NBEA: variants seen among roughly 807,000 people sequenced by gnomAD.
The protein encoded by NBEA is lysosomal-trafficking regulator 2.
A neutral mutation model predicts 343.4 loss-of-function variants in NBEA; 44 were observed. That is an observed-to-expected ratio of 0.13 (90% confidence interval 0.10 to 0.16). The LOEUF (loss-of-function observed/expected upper bound fraction) is 0.16, where lower values mean the gene tolerates loss of function less well. Among genes scored for constraint, NBEA ranks in the 10% least tolerant of loss-of-function variants. NBEA has a pLI of 1.00. For missense variants in NBEA, 2,555 were observed against 3,631.3 expected (o/e 0.70, Z 7.62); for synonymous variants, 1,175 against 1,238.7 (o/e 0.95, Z 1.08).
chr13:35,036,451 T>C (rs2062444849), intron 1 of NBEA, among the ~76,000 whole-genome samples: 3 of 152,106 alleles, frequency 2.0e-5, no homozygotes, highest in South Asian at 4.1e-4. Context: ...GTAACAGTGT[T>C]ATAATATTCT....
At chr13:35,353,027 T>C (rs1259597154) in intron 38 of NBEA, among the ~76,000 whole-genome samples, 1 of 152,188 alleles carries the variant, frequency 6.6e-6, no homozygotes, top group Non-Finnish European at 1.5e-5. Flanking sequence ...ATTATGTTTT[T>C]TGACCCCACT....
chr13:35,347,920 T>G (rs900022267), intron 36 of NBEA, among the ~76,000 whole-genome samples: 1 of 151,986 alleles, frequency 6.6e-6, no homozygotes, highest in Non-Finnish European at 1.5e-5. Context: ...CCATGTGATG[T>G]GGGCTTCTCT....
intron 16 of NBEA, 62 bp from the exon 17 acceptor site, chr13:35,123,420 T>G: frequency 1.2e-6 from 1 of 812,562 alleles, no homozygotes; most frequent in Non-Finnish European, 1.9e-6. Flanking sequence ...CTGTAAAGCA[T>G]GTAGTGTGTT....
intron 18 of NBEA, among the ~76,000 whole-genome samples, chr13:35,149,771 C>T (rs74048918): frequency 2.8e-4 from 42 of 152,196 alleles, no homozygotes; most frequent in African/African-American, 9.9e-4. Context: ...GTAGTCAGTG[C>T]AACTTTATAT....
chr13:35,335,069 A>G (rs1407805405), intron 36 of NBEA, among the ~76,000 whole-genome samples: 1 of 152,136 alleles, frequency 6.6e-6, no homozygotes, highest in Non-Finnish European at 1.5e-5. Flanking sequence ...ATTCTTCTGC[A>G]TATGGATATC....
intron 49 of NBEA, among the ~76,000 whole-genome samples, chr13:35,633,587 G>C (rs937693873): frequency 6.6e-6 from 1 of 151,804 alleles, no homozygotes; most frequent in Non-Finnish European, 1.5e-5. Flanking sequence ...TTGTATCACA[G>C]CTCAACCATT....
At chr13:34,979,550 C>T (rs923544499) in intron 1 of NBEA, among the ~76,000 whole-genome samples, 1 of 151,908 alleles carries the variant, frequency 6.6e-6, no homozygotes, top group Non-Finnish European at 1.5e-5. Flanking sequence ...CAATTTTCCC[C>T]TGGGAAGTAC....
In NBEA at chr13:35,395,475, A is replaced by G. The variant is rs554000278; in HGVS notation, c.6180-36794A>G. Among the ~76,000 whole-genome samples, 9 of 152,154 alleles carry G rather than the reference A, an allele frequency of 5.9e-5. No homozygotes were observed. In the East Asian group the frequency reaches 1.7e-3, roughly 30 times the overall value. On this transcript the variant is annotated intron_variant, in intron 38 of 58. Transcript: ENST00000379939. ...GGCCTCACCAGAAGGAGAAGCTGCTATATTTCCTATATAGCCTACAGAACT... is the reference window on the plus strand; with the variant it reads ...GGCCTCACCAGAAGGAGAAGCTGCTGTATTTCCTATATAGCCTACAGAACT...
chr13:35,658,579 A>G (rs1306296005), intron 55 of NBEA, among the ~76,000 whole-genome samples: 1 of 152,100 alleles, frequency 6.6e-6, no homozygotes, highest in East Asian at 1.9e-4. Flanking sequence ...CTGATCACAA[A>G]CTGTTTCTCC....
At chr13:35,330,242 A>G (rs754558019) in intron 36 of NBEA, among the ~76,000 whole-genome samples, 3 of 152,078 alleles carry the variant, frequency 2.0e-5, no homozygotes, top group Non-Finnish European at 2.9e-5. Flanking sequence ...AAATGAGATG[A>G]TAACTGTAAA....
intron 47 of NBEA, among the ~76,000 whole-genome samples, chr13:35,601,994 T>C (rs143763532): frequency 3.9e-5 from 6 of 152,214 alleles, no homozygotes; most frequent in Middle Eastern, 3.4e-3. Flanking sequence ...TCACAAACTT[T>C]TTGTGAAGAT....
chr13:35,261,272 G>A (rs1388677567), intron 34 of NBEA, among the ~76,000 whole-genome samples: 1 of 152,136 alleles, frequency 6.6e-6, no homozygotes, highest in Admixed American at 6.5e-5. Context: ...CAGCACTTTG[G>A]CAGGCTGAGG....
At chr13:35,307,409 T>G (rs1857011125) in intron 35 of NBEA, among the ~76,000 whole-genome samples, 1 of 152,058 alleles carries the variant, frequency 6.6e-6, no homozygotes, top group African/African-American at 2.4e-5. Flanking sequence ...AGCTCAGACT[T>G]ACTTCTACTG....
rs776167927 is a variant in NBEA at position 35,207,985 on chromosome 13, C to T, written c.5367-715C>T. Among the ~76,000 whole-genome samples the T allele has an allele frequency of 1.4e-4, 22 of 152,214 alleles. No homozygotes were observed. In the East Asian group the frequency reaches 4.1e-3, roughly 28 times the overall value. ...CCTGTAATCCCAGCACTTTGGGAGG[C>T]CAAGTGGATGGATCACCTGAGGTCA... is the stretch of plus-strand genomic sequence containing the variant. On this transcript the variant is annotated intron_variant, in intron 31 of 58. Transcript: ENST00000379939.
In NBEA at chr13:35,044,905, G is replaced by C. The variant is rs544018430; in HGVS notation, c.527-42G>C. On this transcript the variant is annotated intron_variant, in intron 2 of 58. Transcript: ENST00000379939. ...AAGTATATTACCTTGACAGATGGCA[G>C]CTCATGACTAGAGTTCAGAATAACT... The C allele has an allele frequency of 1.5e-4, 222 of 1,484,338 alleles. 1 individual carries two copies. In the African/African-American group the frequency reaches 2.5e-3, roughly 17 times the overall value. The allele number at this position is 1,484,338 out of a possible 1,614,324, so 91.9% of individuals were successfully genotyped here. A position where few individuals can be genotyped will look rare whatever the true frequency, so the allele number is the denominator to read the frequency against.
At chr13:34,943,578 A>C (rs2059098925) in intron 1 of NBEA, among the ~76,000 whole-genome samples, 1 of 152,144 alleles carries the variant, frequency 6.6e-6, no homozygotes, top group Admixed American at 6.5e-5. Flanking sequence ...TTAGCTTCCA[A>C]CTTGAGCAGC....
intron 38 of NBEA, among the ~76,000 whole-genome samples, chr13:35,380,829 C>A (rs749006742): frequency 6.6e-6 from 1 of 152,068 alleles, no homozygotes; most frequent in Non-Finnish European, 1.5e-5. Flanking sequence ...AATGAGAATC[C>A]TTGTCTTGCT....
At chr13:35,458,260 C>T (rs1430324924) in intron 40 of NBEA, among the ~76,000 whole-genome samples, 6 of 152,282 alleles carry the variant, frequency 3.9e-5, no homozygotes, top group Middle Eastern at 3.4e-3. Flanking sequence ...GCCGCCCCAC[C>T]ACATTTTGAT....
chr13:35,603,165 A>G (rs1378295524), intron 47 of NBEA, among the ~76,000 whole-genome samples: 1 of 151,996 alleles, frequency 6.6e-6, no homozygotes, highest in African/African-American at 2.4e-5. Flanking sequence ...CTCTTTCCCC[A>G]TCTTGAGGCA....
Sources: gnomAD v4.1 joint callset for allele counts (sites outside exome capture counted in the v4.1 genomes callset) on GRCh38, gnomAD v4.1.1 for gene constraint, MANE v1.5 for transcripts, NCBI Gene and HGNC (gene_info 2026-07-23, HGNC 2026-07-21) for gene names.